The following EP400 variants were observed in gnomAD, a reference collection of about 807,000 sequenced individuals.
The protein encoded by EP400 is E1A-binding protein p400.
A neutral mutation model predicts 354.1 loss-of-function variants in EP400; 105 were observed. The ratio of observed to expected loss-of-function variants is 0.30; its 90% CI spans 0.25 to 0.35. The LOEUF is 0.35. Among genes scored for constraint, EP400 ranks in the 10% least tolerant of loss-of-function variants. The pLI, the probability that EP400 is intolerant of heterozygous loss-of-function variation, is 1.00. For missense variants in EP400, 3,280 were observed against 4,121.0 expected (o/e 0.80, Z 5.59); for synonymous variants, 1,646 against 1,716.9 (o/e 0.96, Z 1.02).
chr12:131,960,521 G>A, intron 1 of EP400, 64 bp from the exon 2 acceptor site: 1 of 1,423,178 alleles, frequency 7.0e-7, no homozygotes, highest in Non-Finnish European at 9.4e-7. Context: ...TTTCAGTGCT[G>A]TTAAGTGTCA....
Position 132,069,606 on chromosome 12 carries a change from C to T in EP400, c.8986C>T (p.Leu2996=), listed in dbSNP as rs199535788. The T allele has an allele frequency of 3.1e-6, 5 of 1,614,246 alleles. No individual in the cohort carries two copies. The highest frequency in any genetic ancestry group is 4.2e-6 in the Non-Finnish European group (5 of 1,180,024). ...LTTPISQAQK[L]AGAQQVQTQI... ...CACACCCATCTCCCAGGCCCAGAAACTGGCCGGGGCCCAGCAAGTGCAGAC... is the reference window on the plus strand; with the variant it reads ...CACACCCATCTCCCAGGCCCAGAAATTGGCCGGGGCCCAGCAAGTGCAGAC... Residue 2996 remains leucine, a synonymous_variant, in exon 51 of 53, where the codon CTG becomes TTG. Coordinates refer to ENST00000389561, the MANE Select transcript of EP400 (RefSeq NM_015409.5).
At chr12:132,006,932 G>A (rs1042564792) in intron 15 of EP400, 55 bp downstream of exon 15, 17 of 1,597,132 alleles carry the variant, frequency 1.1e-5, no homozygotes, top group Non-Finnish European at 1.4e-5. Flanking sequence ...TTACCTATAG[G>A]CCAGTGTGTT....
At chr12:132,061,865 CG>C (rs1405573303) in intron 45 of EP400, among the ~76,000 whole-genome samples, 1 of 152,234 alleles carries the variant, frequency 6.6e-6, no homozygotes, top group African/African-American at 2.4e-5. Context: ...AGCATGTGCA[CG>C]GGCGTGCCGC....
chr12:131,963,511 T>TC (rs754927941), intron 2 of EP400: 1 of 1,568,112 alleles, frequency 6.4e-7, no homozygotes, highest in Non-Finnish European at 8.7e-7. Context: ...TGCCTTTTTT[T>TC]CTCAAAATAT....
At position 132,054,627 on chromosome 12, in the gene EP400, T is replaced by A. The variant is rs984778402; in HGVS notation, c.7729-347T>A. 6.6e-6 allele frequency among the ~76,000 whole-genome samples: 1 copy of A among 152,010 alleles called. No individual in the cohort carries two copies. Among genetic ancestry groups the A allele is most frequent in the Non-Finnish European group, 1.5e-5 (1 of 68,004 alleles). On this transcript the variant is annotated intron_variant, in intron 43 of 52. Transcript: ENST00000389561. This position sits in a 1 kb window ranked among gnomAD's most constrained non-coding sequence, Gnocchi z 4.0. ...GTACAGAGGCCCTGAGCTTGGCTGATATGGGGGCCAGAAAGCTCAGTGTGG... is the reference window on the plus strand; with the variant it reads ...GTACAGAGGCCCTGAGCTTGGCTGAAATGGGGGCCAGAAAGCTCAGTGTGG...
chr12:132,062,157 G>A lies in EP400; in HGVS notation c.7932G>A (p.Pro2644=), dbSNP rs1197172414. 3.1e-6 allele frequency: 5 copies of A among 1,613,906 alleles called. 1 individual carries two copies. Among genetic ancestry groups the A allele is most frequent in the Admixed American group, 3.3e-5 (2 of 60,020 alleles). Residue 2644 remains proline, a synonymous_variant, in exon 46 of 53, where the codon CCG becomes CCA. Coordinates refer to ENST00000389561, the MANE Select transcript of EP400 (RefSeq NM_015409.5). ...APAQVVHTQP[P]PRAVGSPATA... Reference sequence around the variant, plus strand: ...CCCAGGTGGTGCACACCCAGCCCCCGCCACGGGCAGTCGGCTCCCCAGCCA... The same window carrying A: ...CCCAGGTGGTGCACACCCAGCCCCCACCACGGGCAGTCGGCTCCCCAGCCA...
intron 2 of EP400, among the ~76,000 whole-genome samples, chr12:131,978,158 TA>T (rs1418717287): frequency 6.6e-6 from 1 of 152,198 alleles, no homozygotes; most frequent in Non-Finnish European, 1.5e-5. Context: ...TGTAAACTTT[TA>T]AAAAACATGA....
chr12:131,959,219 T>C (rs918332110), intron 1 of EP400, among the ~76,000 whole-genome samples: 23 of 152,288 alleles, frequency 1.5e-4, no homozygotes, highest in Admixed American at 3.9e-4. Context: ...AGCTATTAAA[T>C]AGATTGAAGC....
intron 13 of EP400, among the ~76,000 whole-genome samples, chr12:132,005,775 G>A (rs973695043): frequency 3.3e-5 from 5 of 152,004 alleles, no homozygotes; most frequent in African/African-American, 9.7e-5. Context: ...GGTGATAGAC[G>A]GGAGATCCCT....
chr12:132,050,482 T>C lies in EP400; in HGVS notation c.7337+23T>C. ...TCTGTATGTTTCCTGAGTGCTCATT[T>C]TATGTTCATTATGACTGAGTAGATT... is the stretch of plus-strand genomic sequence containing the variant. On this transcript the variant is annotated intron_variant, in intron 40 of 52. Coordinates refer to ENST00000389561, the MANE Select transcript of EP400 (RefSeq NM_015409.5). This position sits in a 1 kb window ranked among gnomAD's most constrained non-coding sequence, Gnocchi z 4.8. 1.9e-6 allele frequency: 3 copies of C among 1,614,114 alleles called. No individual in the cohort carries two copies. The highest frequency in any genetic ancestry group is 2.5e-6 in the Non-Finnish European group (3 of 1,179,964).
At position 131,999,914 on chromosome 12, in the gene EP400, CT is replaced by C. The variant is rs566940931; in HGVS notation, c.2827+4961del. 1.2e-3 allele frequency among the ~76,000 whole-genome samples: 174 copies of C among 150,300 alleles called. 2 individuals carry two copies. The South Asian group carries it at 0.015, about 13-fold the overall frequency. On this transcript the variant is annotated intron_variant, in intron 12 of 52. Transcript: ENST00000389561. ...GGCTGTGTTTGTATGTATGTCCCTT[CT>C]TTCTCCTAATACTGTGTATTTATGC...
In EP400 at chr12:132,079,335, T is replaced by A. The variant is rs1896320937; in HGVS notation, c.*1662T>A. On this transcript the variant is annotated 3_prime_UTR_variant, in exon 53 of 53. Transcript: ENST00000389561. ...CCAAAGCAGAGGACTGGAATCTGTT[T>A]GTTCTAACCAACCCGTTCTCCCTGG... 1 of 152,302 alleles carries A rather than the reference T, an allele frequency of 6.6e-6. No homozygotes were observed. Among genetic ancestry groups the A allele is most frequent in the Non-Finnish European group, 1.5e-5 (1 of 68,056 alleles). The allele number at this position is 152,302 out of a possible 1,614,324, so 9.4% of individuals were successfully genotyped here. A position where few individuals can be genotyped will look rare whatever the true frequency, so the allele number is the denominator to read the frequency against.
intron 37 of EP400, 135 bp downstream of exon 37, chr12:132,045,088 G>T (rs1049052359): frequency 3.2e-5 from 45 of 1,385,794 alleles, no homozygotes; most frequent in Non-Finnish European, 4.0e-5. Context: ...ACGCCCATCC[G>T]CTGCCTCTCA....
chr12:131,970,403 C>T (rs1892249087), intron 2 of EP400, among the ~76,000 whole-genome samples: 1 of 152,188 alleles, frequency 6.6e-6, no homozygotes, highest in African/African-American at 2.4e-5. Flanking sequence ...AAACGTTTTG[C>T]ATCATCTGGA....
chr12:132,060,139 A>G (rs1382640177), intron 45 of EP400, among the ~76,000 whole-genome samples: 1 of 152,224 alleles, frequency 6.6e-6, no homozygotes, highest in Non-Finnish European at 1.5e-5. Flanking sequence ...GAAAAGTCTG[A>G]TTACCAAAAC....
intron 50 of EP400, chr12:132,068,388 C>G (rs939424516): frequency 1.3e-5 from 2 of 152,360 alleles, no homozygotes; most frequent in Non-Finnish European, 2.9e-5. Flanking sequence ...GCCCAGATCA[C>G]AGGGCCAGTA....
At chr12:132,008,512 C>T (rs932877787) in intron 15 of EP400, among the ~76,000 whole-genome samples, 3 of 152,102 alleles carry the variant, frequency 2.0e-5, no homozygotes, top group African/African-American at 7.2e-5. Context: ...GCTACCTTGC[C>T]TTGCTACTTT....
intron 2 of EP400, among the ~76,000 whole-genome samples, chr12:131,965,605 C>T (rs1249966938): frequency 6.6e-6 from 1 of 152,220 alleles, no homozygotes; most frequent in African/African-American, 2.4e-5. Flanking sequence ...ACAGAAGCTC[C>T]ATCACCTCCC....
chr12:132,069,810 G>A (rs1196660084), intron 51 of EP400, among the ~76,000 whole-genome samples, 169 bp downstream of exon 51: 1 of 152,152 alleles, frequency 6.6e-6, no homozygotes, highest in Non-Finnish European at 1.5e-5. Context: ...TGGCTCCTGG[G>A]AAGGCTCCTC....
Sources: allele counts gnomAD v4.1 joint callset (sites outside exome capture counted in the v4.1 genomes callset), GRCh38; gene constraint gnomAD v4.1.1; non-coding constraint Gnocchi (gnomAD v3.1); transcripts MANE v1.5; gene names NCBI Gene and HGNC (gene_info 2026-07-23, HGNC 2026-07-21).